CD200R1: variants seen among roughly 807,000 people sequenced by gnomAD.
The protein encoded by CD200R1 is cell surface glycoprotein CD200 receptor 1.
CD200R1 carries 30 observed loss-of-function variants against 38.1 expected under a neutral mutation model. The ratio of observed to expected loss-of-function variants is 0.79; its 90% confidence interval spans 0.59 to 1.07. The LOEUF (loss-of-function observed/expected upper bound fraction) is 1.07. CD200R1 is among the 50% of genes least tolerant of loss of function. CD200R1 has a pLI of 0.00. For missense variants in CD200R1, 372 were observed against 415.4 expected (o/e 0.90, Z 0.91); for synonymous variants, 128 against 152.1 (o/e 0.84, Z 1.16).
rs1445444319 is a variant in CD200R1 at position 112,923,702 on chromosome 3, A to G, written c.1022T>C (p.Val341Ala). The change falls in exon 8 of 8, where the codon GTT (valine) becomes GCT (alanine). Residue 341 changes from valine to alanine, a missense_variant. Val to Ala is a moderately conservative substitution (Grantham distance 64). Coordinates refer to ENST00000308611, the MANE Select transcript of CD200R1 (RefSeq NM_138806.4). ...VKASEALQSE[V>A]DTDLHTL Reference sequence around the variant, plus strand: ...TTATAAAGTATGGAGGTCTGTGTCAACTTCACTTTGTAATGCCTCAGATGC... The same window carrying G: ...TTATAAAGTATGGAGGTCTGTGTCAGCTTCACTTTGTAATGCCTCAGATGC... The G allele has an allele frequency of 1.9e-6, 3 of 1,592,832 alleles. No homozygotes were observed. The highest frequency in any genetic ancestry group is 1.1e-5 in the South Asian group (1 of 90,376).
chr3:112,941,765 A>C (rs1940734305), intron 2 of CD200R1, among the ~76,000 whole-genome samples: 1 of 151,680 alleles, frequency 6.6e-6, no homozygotes, highest in Non-Finnish European at 1.5e-5. Flanking sequence ...GCCAAAAATA[A>C]CCTACACCTA....
chr3:112,955,655 C>A (rs1416434221), intron 1 of CD200R1, among the ~76,000 whole-genome samples: 1 of 151,884 alleles, frequency 6.6e-6, no homozygotes, highest in Admixed American at 6.6e-5. Context: ...ATTACAGGTG[C>A]CCACCACTAC....
intron 1 of CD200R1, 98 bp from the exon 2 acceptor site, chr3:112,948,022 T>A: frequency 1.2e-6 from 1 of 801,650 alleles, no homozygotes; most frequent in South Asian, 1.4e-5. Flanking sequence ...CTTCAGACTA[T>A]TTTTGTATTG....
chr3:112,925,692 C>T (rs540342595), intron 5 of CD200R1, among the ~76,000 whole-genome samples: 2 of 151,982 alleles, frequency 1.3e-5, no homozygotes, highest in Non-Finnish European at 2.9e-5. Context: ...TGGGCGAAGG[C>T]AGGGCTTATA....
chr3:112,932,180 T>C (rs1213428729), intron 2 of CD200R1, among the ~76,000 whole-genome samples: 1 of 152,102 alleles, frequency 6.6e-6, no homozygotes, highest in East Asian at 1.9e-4. Flanking sequence ...CACCATGGAC[T>C]AGAGCCACTT....
At chr3:112,942,949 G>T (rs567724549) in intron 2 of CD200R1, among the ~76,000 whole-genome samples, 10 of 151,654 alleles carry the variant, frequency 6.6e-5, no homozygotes, top group African/African-American at 2.2e-4. Flanking sequence ...TAACATATGT[G>T]CACCTAGCAA....
intron 1 of CD200R1, among the ~76,000 whole-genome samples, chr3:112,965,260 T>C (rs562573164): frequency 1.3e-5 from 2 of 152,274 alleles, no homozygotes; most frequent in South Asian, 4.1e-4. Context: ...CCTTAAGATC[T>C]GAAAGAGAGT....
At position 112,925,137 on chromosome 3, in the gene CD200R1, T is replaced by C; in HGVS notation, c.826A>G (p.Ile276Val). ...LYIPYIILTI[I>V]ILTIVGFIWL... is the part of the protein sequence containing the mutation. ...ATGAATCCCACGATGGTCAAAATAATAATAGTAAGGATGATATATGGAATA... is the reference window on the plus strand; with the variant it reads ...ATGAATCCCACGATGGTCAAAATAACAATAGTAAGGATGATATATGGAATA... The change falls in exon 6 of 8, where the codon ATT becomes GTT. Residue 276 changes from isoleucine (I) to valine (V), a missense_variant. By Grantham distance (29) the Ile-to-Val change is conservative. Transcript: ENST00000308611. The C allele has an allele frequency of 1.2e-6, 2 of 1,608,654 alleles. No individual in the cohort carries two copies. The highest frequency in any genetic ancestry group is 1.1e-5 in the South Asian group (1 of 90,750).
intron 1 of CD200R1, among the ~76,000 whole-genome samples, chr3:112,972,472 A>C (rs1306324776): frequency 6.6e-6 from 1 of 152,190 alleles, no homozygotes; most frequent in Non-Finnish European, 1.5e-5. Flanking sequence ...CTTTTATAAA[A>C]GATGGAATAA....
Position 112,940,705 on chromosome 3 carries a change from T to C in CD200R1, c.136+7151A>G, listed in dbSNP as rs111924936. Among the ~76,000 whole-genome samples, 97 of 151,868 alleles carry C rather than the reference T, an allele frequency of 6.4e-4. 1 individual carries two copies. The highest frequency in any genetic ancestry group is 2.2e-3 in the African/African-American group (92 of 41,528). On this transcript the variant is annotated intron_variant, in intron 2 of 7. Transcript: ENST00000308611. Reference sequence around the variant, plus strand: ...AATTCTTATAAATCACTGATAGGAATGTAAACTAATACAGTCTCTATGAAG... The same window carrying C: ...AATTCTTATAAATCACTGATAGGAACGTAAACTAATACAGTCTCTATGAAG...
chr3:112,942,953 C>G (rs1940761257), intron 2 of CD200R1, among the ~76,000 whole-genome samples: 1 of 151,518 alleles, frequency 6.6e-6, no homozygotes, highest in South Asian at 2.1e-4. Flanking sequence ...ATATGTGCAC[C>G]TAGCAAAAGA....
intron 2 of CD200R1, among the ~76,000 whole-genome samples, chr3:112,937,128 A>G (rs1381862239): frequency 1.3e-5 from 2 of 152,116 alleles, no homozygotes; most frequent in African/African-American, 4.8e-5. Flanking sequence ...TACAATCACG[A>G]CAGAAGGGGA....
At chr3:112,960,336 T>C (rs191867724) in intron 1 of CD200R1, among the ~76,000 whole-genome samples, 2 of 152,228 alleles carry the variant, frequency 1.3e-5, no homozygotes, top group Admixed American at 6.5e-5. Flanking sequence ...CAGCATATTA[T>C]CTTAATTGTT....
chr3:112,935,747 C>A (rs373012097), intron 2 of CD200R1, among the ~76,000 whole-genome samples: 1 of 152,080 alleles, frequency 6.6e-6, no homozygotes, highest in South Asian at 2.1e-4. Flanking sequence ...TGAAACTGAA[C>A]CTAAAAAGAA....
At chr3:112,929,621 C>A in intron 3 of CD200R1, 114 bp from the exon 4 acceptor site, 1 of 942,204 alleles carries the variant, frequency 1.1e-6, no homozygotes, top group Non-Finnish European at 1.5e-6. Flanking sequence ...TGATCTTATT[C>A]CAAAAATATT....
intron 1 of CD200R1, among the ~76,000 whole-genome samples, chr3:112,955,634 G>T (rs987990806): frequency 3.3e-5 from 5 of 151,216 alleles, no homozygotes; most frequent in African/African-American, 1.2e-4. Context: ...TCAGCCTCCC[G>T]AGTAGCTGGG....
At chr3:112,928,378 G>C (rs1209043203) in intron 5 of CD200R1, among the ~76,000 whole-genome samples, 1 of 152,130 alleles carries the variant, frequency 6.6e-6, no homozygotes, top group East Asian at 1.9e-4. Flanking sequence ...ATGAATCATA[G>C]ATGTTATTAT....
chr3:112,971,498 T>C (rs1226352776), intron 1 of CD200R1, among the ~76,000 whole-genome samples: 1 of 152,138 alleles, frequency 6.6e-6, no homozygotes, highest in Non-Finnish European at 1.5e-5. Flanking sequence ...CAGTCACATA[T>C]ATACCTCAGC....
At chr3:112,965,629 C>T (rs557889445) in intron 1 of CD200R1, among the ~76,000 whole-genome samples, 5 of 152,170 alleles carry the variant, frequency 3.3e-5, no homozygotes, top group South Asian at 2.1e-4. Flanking sequence ...GGCACAGTGG[C>T]GCACGCCTGT....
Sources: allele counts gnomAD v4.1 joint callset (sites outside exome capture counted in the v4.1 genomes callset), GRCh38; gene constraint gnomAD v4.1.1; transcripts MANE v1.5; gene names NCBI Gene and HGNC (gene_info 2026-07-23, HGNC 2026-07-21).